Variants in C3orf70 observed in about 807,000 individuals in gnomAD.
C3orf70 encodes the protein chromosome 3 open reading frame 70.
A neutral mutation model predicts 20.7 loss-of-function variants in C3orf70; 15 were observed. That is an observed-to-expected ratio of 0.72 (90% confidence interval 0.48 to 1.11). The LOEUF is 1.11. Ranked by LOEUF, C3orf70 falls within the 50% of genes most tolerant of loss-of-function variation. The probability of loss-of-function intolerance (pLI) is 0.00; values close to 1 mark genes in which losing one functional copy is unlikely to be tolerated. For synonymous variants in C3orf70, 161 were observed against 125.7 expected (o/e 1.28, Z -1.88); for missense variants, 332 against 317.6 (o/e 1.05, Z -0.34).
intron 1 of C3orf70, among the ~76,000 whole-genome samples, chr3:185,142,440 A>G (rs935027056): frequency 1.3e-4 from 20 of 152,224 alleles, no homozygotes; most frequent in African/African-American, 4.8e-4. Flanking sequence ...TCAAAAACAA[A>G]GAATCAATTT....
In C3orf70 at chr3:185,082,068, A is replaced by G. The variant is rs956362164; in HGVS notation, c.*939T>C. On this transcript the variant is annotated 3_prime_UTR_variant, in exon 2 of 2. Coordinates refer to ENST00000335012, the MANE Select transcript of C3orf70 (RefSeq NM_001025266.3). ...AAATGTGATACCTATATAACTTCCT[A>G]AGAGTTTTTCCCAGACTTGAAGAAC... The G allele has an allele frequency of 6.6e-6, 1 of 152,146 alleles. No individual in the cohort carries two copies. The highest frequency in any genetic ancestry group is 1.5e-5 in the Non-Finnish European group (1 of 68,020). The allele number at this position is 152,146 out of a possible 1,614,324, so 9.4% of individuals were successfully genotyped here.
chr3:185,103,096 T>C (rs1274133742), intron 1 of C3orf70, among the ~76,000 whole-genome samples: 2 of 151,888 alleles, frequency 1.3e-5, no homozygotes, highest in African/African-American at 2.4e-5. Context: ...AATACAAAAA[T>C]TAGCCAGGCG....
intron 1 of C3orf70, among the ~76,000 whole-genome samples, chr3:185,117,519 G>A (rs1017722149): frequency 5.3e-5 from 8 of 151,404 alleles, no homozygotes; most frequent in African/African-American, 1.9e-4. Flanking sequence ...ACAAAAATAT[G>A]GTATTAAAAT....
rs10663284 is a variant in C3orf70, at chr3:185,077,789, T to TGGGGG, written c.*5213_*5217dup. ...TGAAATAAATGCTATTTGGTGGTGGTGGGGGGGGGGTATCAAGTTTTATTT... is the reference window on the plus strand; with the variant it reads ...TGAAATAAATGCTATTTGGTGGTGGTGGGGGGGGGGGGGGGTATCAAGTTTTATTT... On this transcript the variant is annotated 3_prime_UTR_variant, in exon 2 of 2. Coordinates refer to ENST00000335012, the MANE Select transcript of C3orf70 (RefSeq NM_001025266.3). Among the ~76,000 whole-genome samples, 384 of 123,984 alleles carry TGGGGG rather than the reference T, an allele frequency of 3.1e-3. No homozygotes were observed. Among genetic ancestry groups the TGGGGG allele is most frequent in the South Asian group, 6.3e-3 (22 of 3,488 alleles). 81.3% of individuals were successfully genotyped at this position (123,984 alleles called of 152,430 possible).
At chr3:185,092,101 T>C (rs575225256) in intron 1 of C3orf70, among the ~76,000 whole-genome samples, 3 of 150,410 alleles carry the variant, frequency 2.0e-5, no homozygotes, top group East Asian at 3.9e-4. Flanking sequence ...GCCCGGCCTG[T>C]TGGACATTTT....
chr3:185,121,237 G>A (rs1325424988), intron 1 of C3orf70, among the ~76,000 whole-genome samples: 1 of 152,048 alleles, frequency 6.6e-6, no homozygotes, highest in African/African-American at 2.4e-5. Context: ...GGGAAAGGGT[G>A]GGAAGGGGAT....
chr3:185,082,080 C>T lies in C3orf70; in HGVS notation c.*927G>A, dbSNP rs1462640879. On this transcript the variant is annotated 3_prime_UTR_variant, in exon 2 of 2. Transcript: ENST00000335012. ...TATATAACTTCCTAAGAGTTTTTCC[C>T]AGACTTGAAGAACAATTAAAAGCAG... 6.6e-6 allele frequency: 1 copy of T among 152,094 alleles called. No homozygotes were observed. Among genetic ancestry groups the T allele is most frequent in the East Asian group, 1.9e-4 (1 of 5,186 alleles). The allele number at this position is 152,094 out of a possible 1,614,324, so 9.4% of individuals were successfully genotyped here.
intron 1 of C3orf70, among the ~76,000 whole-genome samples, chr3:185,106,116 C>T (rs973626345): frequency 1.3e-5 from 2 of 152,112 alleles, no homozygotes; most frequent in African/African-American, 4.8e-5. Context: ...AGTGATTGTT[C>T]GAGCAGCGCC....
At chr3:185,113,824 G>C (rs961025838) in intron 1 of C3orf70, among the ~76,000 whole-genome samples, 1 of 152,202 alleles carries the variant, frequency 6.6e-6, no homozygotes, top group Non-Finnish European at 1.5e-5. Flanking sequence ...AATAGGTCCT[G>C]TCCTTAGAGT....
At chr3:185,112,190 T>C (rs1323231983) in intron 1 of C3orf70, among the ~76,000 whole-genome samples, 1 of 152,152 alleles carries the variant, frequency 6.6e-6, no homozygotes, top group African/African-American at 2.4e-5. Flanking sequence ...CTTGGGAAGC[T>C]GAGGCAGGAG....
Position 185,083,539 on chromosome 3 carries a change from G to T in C3orf70, c.221C>A (p.Thr74Asn). ...AGTGCTTGGAAGCTGTTCCACAGGG[G>T]TCATAGGCTGATACATGTATTTGCC... is the stretch of plus-strand genomic sequence containing the variant. ...CHCKYMYQPM[T>N]PVEQLPSTEI... The change falls in exon 2 of 2, where the codon ACC (threonine) becomes AAC (asparagine). Residue 74 changes from threonine to asparagine, a missense_variant. Coordinates refer to ENST00000335012, the MANE Select transcript of C3orf70 (RefSeq NM_001025266.3). 1 of 1,603,752 alleles carries T rather than the reference G, an allele frequency of 6.2e-7. No homozygotes were observed.
chr3:185,150,609 T>C (rs996683750), intron 1 of C3orf70, among the ~76,000 whole-genome samples: 1 of 152,202 alleles, frequency 6.6e-6, no homozygotes, highest in Non-Finnish European at 1.5e-5. Context: ...GCAAGCTCAG[T>C]ATGTGATGAA....
chr3:185,106,282 A>C (rs1191320141), intron 1 of C3orf70, among the ~76,000 whole-genome samples: 1 of 152,196 alleles, frequency 6.6e-6, no homozygotes, highest in East Asian at 1.9e-4. Flanking sequence ...AAATTCAGGA[A>C]AGCACATTTA....
chr3:185,093,624 G>A (rs1451419410), intron 1 of C3orf70, among the ~76,000 whole-genome samples: 1 of 152,132 alleles, frequency 6.6e-6, no homozygotes, highest in Non-Finnish European at 1.5e-5. Flanking sequence ...ATTAAGCTGT[G>A]GGTATAGATG....
At chr3:185,084,645 T>C (rs976492814) in intron 1 of C3orf70, among the ~76,000 whole-genome samples, 2 of 152,148 alleles carry the variant, frequency 1.3e-5, no homozygotes, top group African/African-American at 4.8e-5. Flanking sequence ...TCTCCAAGCC[T>C]TCCTCTCTGC....
rs869291177 is a variant in C3orf70 at position 185,091,912 on chromosome 3, CATATATATATATATAT to C, written c.197-8365_197-8350del. On this transcript the variant is annotated intron_variant, in intron 1 of 1. Coordinates refer to ENST00000335012, the MANE Select transcript of C3orf70 (RefSeq NM_001025266.3). Reference sequence around the variant, plus strand: ...ATACACACATACACACACACACATACATATATATATATATATATATATATATATATATATATATATA... The same window carrying C: ...ATACACACATACACACACACACATACATATATATATATATATATATATATA... Among the ~76,000 whole-genome samples, 139 of 35,818 alleles carry C rather than the reference CATATATATATATATAT, an allele frequency of 3.9e-3. 12 individuals are homozygous for C. The highest frequency in any genetic ancestry group is 8.5e-3 in the East Asian group (7 of 828). 23.5% of individuals were successfully genotyped at this position (35,818 alleles called of 152,430 possible). A position where few individuals can be genotyped will look rare whatever the true frequency, so the allele number is the denominator to read the frequency against.
At position 185,152,873 on chromosome 3, in the gene C3orf70, G is replaced by A. The variant is rs548758745; in HGVS notation, c.-50C>T. ...ACACCGGGAGCCCGGGAGAAGCGAC[G>A]TCTGGGTGGGCAGGAAGCCGAGCCG... On this transcript the variant is annotated 5_prime_UTR_variant, in exon 1 of 2. The change creates a new upstream start codon in the 5' untranslated region. Coordinates refer to ENST00000335012, the MANE Select transcript of C3orf70 (RefSeq NM_001025266.3). 1.0e-4 allele frequency: 148 copies of A among 1,435,006 alleles called. No homozygotes were observed. The African/African-American group carries it at 1.9e-3, about 19-fold the overall frequency. The allele number at this position is 1,435,006 out of a possible 1,614,324, so 88.9% of individuals were successfully genotyped here.
Position 185,144,928 on chromosome 3 carries a change from G to A in C3orf70, c.196+7700C>T, listed in dbSNP as rs2108607286. On this transcript the variant is annotated intron_variant, in intron 1 of 1. Coordinates refer to ENST00000335012, the MANE Select transcript of C3orf70 (RefSeq NM_001025266.3). Reference sequence around the variant, plus strand: ...GGATGAAACAGAATTGTTATTCCTAGTTTTCAGAAGAGTACAGTGAAGCAA... The same window carrying A: ...GGATGAAACAGAATTGTTATTCCTAATTTTCAGAAGAGTACAGTGAAGCAA... Among the ~76,000 whole-genome samples the A allele has an allele frequency of 1.3e-5, 2 of 152,314 alleles. 1 individual carries two copies. The highest frequency in any genetic ancestry group is 4.1e-4 in the South Asian group (2 of 4,830).
chr3:185,126,327 C>T (rs1238881609), intron 1 of C3orf70, among the ~76,000 whole-genome samples: 1 of 152,114 alleles, frequency 6.6e-6, no homozygotes, highest in African/African-American at 2.4e-5. Flanking sequence ...AGGCCTATTT[C>T]CTAGGTAAAA....
Sources: gnomAD v4.1 joint callset for allele counts (sites outside exome capture counted in the v4.1 genomes callset) on GRCh38, gnomAD v4.1.1 for gene constraint, MANE v1.5 for transcripts, NCBI Gene and HGNC (gene_info 2026-07-23, HGNC 2026-07-21) for gene names.